The following MICAL2 variants were observed in gnomAD, a reference collection of about 807,000 sequenced individuals.
MICAL2 encodes microtubule associated monooxygenase, calponin and LIM domain containing 2.
Under a neutral mutation model 127.3 loss-of-function variants are expected in MICAL2, and 77 were observed. That is an observed-to-expected ratio of 0.60 (90% CI 0.50 to 0.73). The LOEUF (loss-of-function observed/expected upper bound fraction) is 0.73, where lower values mean the gene tolerates loss of function less well. Ranked by LOEUF, MICAL2 falls within the 30% of genes least tolerant of loss-of-function variation. The pLI is 0.00. For missense variants in MICAL2, 1,351 were observed against 1,434.4 expected (o/e 0.94, Z 0.94); for synonymous variants, 570 against 551.1 (o/e 1.03, Z -0.48).
At chr11:12,299,205 G>A (rs1031296577) in intron 29 of MICAL2, among the ~76,000 whole-genome samples, 3 of 152,074 alleles carry the variant, frequency 2.0e-5, no homozygotes, top group Admixed American at 1.3e-4. Flanking sequence ...TCTTTCAAGT[G>A]TTCTTAGGTC....
intron 29 of MICAL2, among the ~76,000 whole-genome samples, chr11:12,301,999 T>C (rs1454812637): frequency 6.6e-6 from 1 of 152,210 alleles, no homozygotes; most frequent in African/African-American, 2.4e-5. Flanking sequence ...TGTCATCCCG[T>C]GTCGGCTAAA....
intron 29 of MICAL2, among the ~76,000 whole-genome samples, chr11:12,319,522 C>A (rs1864267886): frequency 6.6e-6 from 1 of 151,328 alleles, no homozygotes; most frequent in Non-Finnish European, 1.5e-5. Flanking sequence ...ACATGGAGGG[C>A]CAAATTTTCA....
At chr11:12,248,713 G>A (rs184285562) in intron 21 of MICAL2, among the ~76,000 whole-genome samples, 2 of 67,190 alleles carry the variant, frequency 3.0e-5, no homozygotes, top group Admixed American at 3.0e-4. Flanking sequence ...ACAGGGAAAT[G>A]CTGGGAAGTT....
chr11:12,354,497 G>A (rs1939100921), intron 33 of MICAL2, among the ~76,000 whole-genome samples: 1 of 150,940 alleles, frequency 6.6e-6, no homozygotes, highest in Non-Finnish European at 1.5e-5. Flanking sequence ...AATTAGCCAG[G>A]CGTGGTGGTG....
chr11:12,177,732 T>A (rs1856990465), intron 3 of MICAL2, among the ~76,000 whole-genome samples: 2 of 149,630 alleles, frequency 1.3e-5, no homozygotes, highest in African/African-American at 4.8e-5. Flanking sequence ...GTCTTATGCT[T>A]TATTTTTCTT....
chr11:12,292,300 GA>G, downstream of MICAL2: 1 of 1,614,024 alleles, frequency 6.2e-7, no homozygotes, highest in Non-Finnish European at 8.5e-7. Flanking sequence ...CGCCTCAGGT[GA>G]GTGTCCCTGA....
In MICAL2 at chr11:12,194,772, C is replaced by A. The variant is rs116719469; in HGVS notation, c.265-9478C>A. Among the ~76,000 whole-genome samples, 909 of 152,240 alleles carry A rather than the reference C, an allele frequency of 6.0e-3. 8 individuals carry two copies. Among genetic ancestry groups the A allele is most frequent in the African/African-American group, 0.021 (869 of 41,532 alleles). ...TTAAAAGAAAACACCAGGGTACCAGCACCAGAGCCCAAGGGACAAGAATTT... is the reference window on the plus strand; with the variant it reads ...TTAAAAGAAAACACCAGGGTACCAGAACCAGAGCCCAAGGGACAAGAATTT... On this transcript the variant is annotated intron_variant, in intron 3 of 27. Transcript: ENST00000683283.
At position 12,256,664 on chromosome 11, in the gene MICAL2, G is replaced by A. The variant is rs865810301; in HGVS notation, c.2956-121G>A. 3.6e-5 allele frequency: 33 copies of A among 909,920 alleles called. No individual in the cohort carries two copies. The South Asian group carries it at 5.3e-4, about 15-fold the overall frequency. The allele number at this position is 909,920 out of a possible 1,614,324, so 56.4% of individuals were successfully genotyped here. On this transcript the variant is annotated intron_variant, in intron 23 of 27. Transcript: ENST00000683283. ...CTCCCTCTTTGCTGCAGTGGCAGTA[G>A]CAGGAAGCAGAAGCCCACGAGGTCC... is the stretch of plus-strand genomic sequence containing the variant.
intron 1 of MICAL2, among the ~76,000 whole-genome samples, chr11:12,121,266 G>A (rs1850486073): frequency 6.6e-6 from 1 of 152,168 alleles, no homozygotes; most frequent in African/African-American, 2.4e-5. Context: ...AGGTCAATTT[G>A]AGGGGAATAA....
At chr11:12,297,767 A>C (rs1864003150) in intron 29 of MICAL2, among the ~76,000 whole-genome samples, 1 of 151,934 alleles carries the variant, frequency 6.6e-6, no homozygotes, top group Admixed American at 6.6e-5. Context: ...TCAGTGAATA[A>C]TCTCTCTTTC....
intron 10 of MICAL2, among the ~76,000 whole-genome samples, 182 bp downstream of exon 10, chr11:12,221,941 T>G (rs1856861285): frequency 6.6e-6 from 1 of 152,218 alleles, no homozygotes; most frequent in Admixed American, 6.5e-5. Flanking sequence ...CATCATTATC[T>G]GACTCTTACA....
chr11:12,242,157 G>A (rs2134477611), intron 18 of MICAL2, 57 bp from the exon 19 acceptor site: 1 of 1,413,140 alleles, frequency 7.1e-7, no homozygotes, highest in Non-Finnish European at 9.6e-7. Flanking sequence ...CCCTCATGGT[G>A]AGGGTGTATG....
intron 2 of MICAL2, among the ~76,000 whole-genome samples, chr11:12,143,652 C>T (rs1852578184): frequency 6.6e-6 from 1 of 152,184 alleles, no homozygotes; most frequent in Non-Finnish European, 1.5e-5. Flanking sequence ...TCAGATTCCT[C>T]TTGCCAGATA....
chr11:12,340,330 G>T (rs1938842766), intron 32 of MICAL2, among the ~76,000 whole-genome samples: 1 of 152,120 alleles, frequency 6.6e-6, no homozygotes, highest in East Asian at 1.9e-4. Flanking sequence ...TCAGACTACA[G>T]TAAAAAACTA....
At chr11:12,301,032 G>T (rs932705090) in intron 29 of MICAL2, among the ~76,000 whole-genome samples, 1 of 152,198 alleles carries the variant, frequency 6.6e-6, no homozygotes, top group Non-Finnish European at 1.5e-5. Context: ...GGCTGGGGAG[G>T]CCTCAGAATC....
chr11:12,279,573 G>T (rs1863751201), intron 1 of MICAL2, among the ~76,000 whole-genome samples: 1 of 152,264 alleles, frequency 6.6e-6, no homozygotes, highest in East Asian at 1.9e-4. Context: ...AACTAGCTTC[G>T]GTAACAAAGG....
At chr11:12,340,021 G>A (rs1938834085) in intron 32 of MICAL2, among the ~76,000 whole-genome samples, 1 of 152,178 alleles carries the variant, frequency 6.6e-6, no homozygotes, top group South Asian at 2.1e-4. Context: ...CTCACGCTGG[G>A]AGCTATAGAC....
downstream of MICAL2, among the ~76,000 whole-genome samples, chr11:12,293,200 A>G (rs146320066): frequency 2.6e-3 from 390 of 152,210 alleles, 2 homozygotes; most frequent in Non-Finnish European, 4.2e-3. Flanking sequence ...ATCTTCCCCT[A>G]TGTGCCTGGC....
At chr11:12,135,658 A>T (rs1370853133) in intron 1 of MICAL2, among the ~76,000 whole-genome samples, 1 of 152,194 alleles carries the variant, frequency 6.6e-6, no homozygotes, top group East Asian at 1.9e-4. Context: ...ATTTAAAGTG[A>T]CAGAGCTGGG....
Sources: gnomAD v4.1 joint callset for allele counts (sites outside exome capture counted in the v4.1 genomes callset) on GRCh38, gnomAD v4.1.1 for gene constraint, MANE v1.5 for transcripts, NCBI Gene and HGNC (gene_info 2026-07-23, HGNC 2026-07-21) for gene names.